Variants in USP34 observed in about 807,000 individuals in gnomAD.
USP34 encodes the protein ubiquitin carboxyl-terminal hydrolase 34.
USP34 carries 70 observed loss-of-function variants against 460.3 expected under a neutral mutation model. The observed-to-expected ratio is 0.15, with a 90% CI of 0.13 to 0.19. The LOEUF is 0.19. Ranked by LOEUF, USP34 falls within the 10% of genes least tolerant of loss-of-function variation. The pLI is 1.00. For synonymous variants in USP34, 1,647 were observed against 1,405.3 expected, an observed-to-expected ratio of 1.17 and a Z score of -3.85; for missense variants, 3,985 against 4,236.2, an observed-to-expected ratio of 0.94 and a Z score of 1.65.
At chr2:61,242,344 G>A (rs1258306983) in intron 51 of USP34, among the ~76,000 whole-genome samples, 1 of 152,042 alleles carries the variant, frequency 6.6e-6, no homozygotes. Context: ...TTATGCAGAT[G>A]AAATGGTTTT....
intron 1 of USP34, among the ~76,000 whole-genome samples, chr2:61,422,177 A>G (rs1305612684): frequency 6.6e-6 from 1 of 152,214 alleles, no homozygotes; most frequent in African/African-American, 2.4e-5. Context: ...CCTAAGATGA[A>G]GCAACCACTA....
At chr2:61,374,498 A>G (rs1210704509) in intron 8 of USP34, among the ~76,000 whole-genome samples, 1 of 152,212 alleles carries the variant, frequency 6.6e-6, no homozygotes, top group Non-Finnish European at 1.5e-5. Flanking sequence ...GAATTTTCCA[A>G]TATGCACATT....
chr2:61,411,535 C>A (rs1694040392), intron 2 of USP34, among the ~76,000 whole-genome samples: 1 of 152,122 alleles, frequency 6.6e-6, no homozygotes, highest in Non-Finnish European at 1.5e-5. Flanking sequence ...TTTTAAATGT[C>A]TTTTTATAGC....
chr2:61,226,930 T>TAATAAAAGCTAGTG (rs1687745845), intron 62 of USP34, 137 bp downstream of exon 62: 1 of 1,054,884 alleles, frequency 9.5e-7, no homozygotes, highest in African/African-American at 1.7e-5. Context: ...AGGATTTATA[T>TAATAAAAGCTAGTG]AATAAAAGCT....
chr2:61,330,649 C>G (rs1236994321), intron 20 of USP34, among the ~76,000 whole-genome samples: 1 of 152,098 alleles, frequency 6.6e-6, no homozygotes, highest in Non-Finnish European at 1.5e-5. Flanking sequence ...GGACATCGGT[C>G]CATAACAATC....
At chr2:61,303,750 C>T (rs1690311658) in intron 27 of USP34, among the ~76,000 whole-genome samples, 1 of 152,062 alleles carries the variant, frequency 6.6e-6, no homozygotes, top group Non-Finnish European at 1.5e-5. Context: ...GCGCCTGCCA[C>T]CACGCCTGGC....
At position 61,417,412 on chromosome 2, in the gene USP34, G is replaced by A. The variant is rs1694227484; in HGVS notation, c.131+3334C>T. 4 of 458,504 alleles carry A rather than the reference G, an allele frequency of 8.7e-6. No homozygotes were observed. In the Admixed American group the frequency reaches 1.3e-4, roughly 15 times the overall value. The allele number at this position is 458,504 out of a possible 1,614,324, so 28.4% of individuals were successfully genotyped here. ...TAATCTTACAGCCAAAGTTGTGACA[G>A]CTATATGACTGTTAAACAGCACTTA... On this transcript the variant is annotated intron_variant, in intron 2 of 79. Transcript: ENST00000398571.
At chr2:61,327,413 C>T (rs1180510006) in intron 20 of USP34, among the ~76,000 whole-genome samples, 1 of 152,158 alleles carries the variant, frequency 6.6e-6, no homozygotes, top group Non-Finnish European at 1.5e-5. Context: ...GAACAGCTAG[C>T]TCTTAAGGGC....
At position 61,243,577 on chromosome 2, in the gene USP34, TA is replaced by T. The variant is rs768054144; in HGVS notation, c.6627+1632del. Among the ~76,000 whole-genome samples the T allele has an allele frequency of 9.9e-3, 1,173 of 118,010 alleles. 17 individuals are homozygous for T. The highest frequency in any genetic ancestry group is 0.039 in the Middle Eastern group (9 of 232). The allele number at this position is 118,010 out of a possible 152,430, so 77.4% of individuals were successfully genotyped here. On this transcript the variant is annotated intron_variant, in intron 51 of 79. Coordinates refer to ENST00000398571, the MANE Select transcript of USP34 (RefSeq NM_014709.4). The stretch of plus-strand genomic sequence containing the variant: ...TCCTTCATTTTTTTTTTTTTTTTTT[TA>T]AAAGGAAACATTCGGCTGAGTACGG...
intron 10 of USP34, among the ~76,000 whole-genome samples, chr2:61,363,721 C>G (rs530434889): frequency 6.6e-6 from 1 of 152,186 alleles, no homozygotes; most frequent in East Asian, 1.9e-4. Flanking sequence ...TACAAAATAA[C>G]TGAAAGCAGG....
intron 21 of USP34, among the ~76,000 whole-genome samples, chr2:61,323,221 T>C (rs1039112549): frequency 7.2e-5 from 11 of 151,876 alleles, no homozygotes; most frequent in African/African-American, 2.7e-4. Flanking sequence ...ACAAATAATT[T>C]AAAAATTAGG....
At chr2:61,380,081 T>G in intron 7 of USP34, 88 bp downstream of exon 7, 1 of 1,141,156 alleles carries the variant, frequency 8.8e-7, no homozygotes, top group Non-Finnish European at 1.2e-6. Context: ...CAATGCCTAG[T>G]ATGAAGTGCT....
chr2:61,228,211 A>G (rs1687786130), intron 61 of USP34, among the ~76,000 whole-genome samples: 1 of 152,268 alleles, frequency 6.6e-6, no homozygotes, highest in Non-Finnish European at 1.5e-5. Context: ...CAAGTAGATC[A>G]TACAACCTAA....
At chr2:61,192,880 T>C in intron 76 of USP34, 21 bp downstream of exon 76, 2 of 1,604,664 alleles carry the variant, frequency 1.2e-6, no homozygotes, top group Non-Finnish European at 1.7e-6. Context: ...AGACCAATCA[T>C]CTAAAACTCA....
At chr2:61,319,819 G>A (rs1280548700) in intron 21 of USP34, among the ~76,000 whole-genome samples, 1 of 152,118 alleles carries the variant, frequency 6.6e-6, no homozygotes, top group African/African-American at 2.4e-5. Flanking sequence ...ACTCCAGCCA[G>A]GGCAACAGCG....
chr2:61,360,376 A>T (rs1340869427), intron 10 of USP34, among the ~76,000 whole-genome samples: 2 of 152,210 alleles, frequency 1.3e-5, no homozygotes, highest in Non-Finnish European at 2.9e-5. Context: ...AATATAAAAA[A>T]ATCAGCAGCA....
chr2:61,462,863 A>C (rs1296449064), intron 1 of USP34, among the ~76,000 whole-genome samples: 3 of 45,726 alleles, frequency 6.6e-5, no homozygotes, highest in African/African-American at 1.6e-4. Context: ...CTGTTTCCCA[A>C]AAAAAAAAAA....
chr2:61,431,184 T>C (rs1312775635), intron 1 of USP34, among the ~76,000 whole-genome samples: 2 of 152,094 alleles, frequency 1.3e-5, no homozygotes, highest in East Asian at 1.9e-4. Context: ...TACTGCAGGA[T>C]GACTATTTTT....
At chr2:61,310,369 G>GA (rs1690548486) in intron 27 of USP34, among the ~76,000 whole-genome samples, 1 of 152,012 alleles carries the variant, frequency 6.6e-6, no homozygotes, top group South Asian at 2.1e-4. Flanking sequence ...CAAGAAAAAT[G>GA]AATCAAGTTA....
Sources: gnomAD v4.1 joint callset for allele counts (sites outside exome capture counted in the v4.1 genomes callset) on GRCh38, gnomAD v4.1.1 for gene constraint, MANE v1.5 for transcripts, NCBI Gene and HGNC (gene_info 2026-07-23, HGNC 2026-07-21) for gene names.